The following SRGAP3 variants were observed in gnomAD, a reference collection of about 807,000 sequenced individuals.
SRGAP3 encodes SLIT-ROBO Rho GTPase-activating protein 3.
Under a neutral mutation model 121.1 loss-of-function variants are expected in SRGAP3, and 39 were observed. That is an observed-to-expected ratio of 0.32 (90% CI 0.25 to 0.42). The LOEUF is 0.42. Among genes scored for constraint, SRGAP3 ranks in the 10% least tolerant of loss-of-function variants. The pLI is 1.00. For synonymous variants in SRGAP3, 601 were observed against 570.0 expected, an observed-to-expected ratio of 1.05 and a Z score of -0.77; for missense variants, 1,213 against 1,470.6, an observed-to-expected ratio of 0.82 and a Z score of 2.86.
chr3:9,086,087 G>A (rs945765107), intron 3 of SRGAP3, among the ~76,000 whole-genome samples: 2 of 152,214 alleles, frequency 1.3e-5, no homozygotes, highest in African/African-American at 4.8e-5. Context: ...CTGATCCAGA[G>A]AACACTCCTT....
At chr3:9,026,555 T>A (rs1308682609) in intron 13 of SRGAP3, among the ~76,000 whole-genome samples, 1 of 152,212 alleles carries the variant, frequency 6.6e-6, no homozygotes, top group Admixed American at 6.5e-5. Flanking sequence ...CATTCAAAAG[T>A]AATAGCAAAA....
chr3:9,071,129 C>A (rs1946688459), intron 4 of SRGAP3, among the ~76,000 whole-genome samples: 1 of 152,068 alleles, frequency 6.6e-6, no homozygotes, highest in Non-Finnish European at 1.5e-5. Context: ...GGTGGAAGAA[C>A]ATCAGGTATG....
At chr3:9,049,045 G>A (rs1266897468) in intron 9 of SRGAP3, among the ~76,000 whole-genome samples, 2 of 152,140 alleles carry the variant, frequency 1.3e-5, no homozygotes, top group East Asian at 3.9e-4. Context: ...CCACCTGCTA[G>A]TTTCTCAAAG....
intron 1 of SRGAP3, among the ~76,000 whole-genome samples, chr3:9,219,758 G>A (rs948467468): frequency 1.3e-5 from 2 of 152,152 alleles, no homozygotes; most frequent in African/African-American, 4.8e-5. Context: ...GGTTGAGGCA[G>A]GAGAATGGTG....
intron 18 of SRGAP3, among the ~76,000 whole-genome samples, chr3:9,004,285 TG>T (rs1942938781): frequency 1.3e-5 from 2 of 152,142 alleles, no homozygotes; most frequent in South Asian, 4.1e-4. Flanking sequence ...TCTAAATAAT[TG>T]GCAAAACATC....
upstream of SRGAP3, among the ~76,000 whole-genome samples, chr3:9,254,652 C>T (rs1483658633): frequency 6.6e-6 from 1 of 152,004 alleles, no homozygotes; most frequent in African/African-American, 2.4e-5. Flanking sequence ...AAAAATTAGC[C>T]AAGCGTGGTG....
intron 1 of SRGAP3, among the ~76,000 whole-genome samples, chr3:9,247,813 C>T (rs1437290257): frequency 2.0e-5 from 3 of 152,206 alleles, no homozygotes; most frequent in Non-Finnish European, 2.9e-5. Flanking sequence ...AGAAAGAAAG[C>T]GGACGCCAAG....
At chr3:9,253,910 G>A (rs1954069754), upstream of SRGAP3, among the ~76,000 whole-genome samples, 2 of 152,160 alleles carry the variant, frequency 1.3e-5, no homozygotes, top group South Asian at 4.1e-4. Flanking sequence ...ATAAGCAGAG[G>A]TTTTGATGGT....
intron 3 of SRGAP3, among the ~76,000 whole-genome samples, chr3:9,313,712 T>A (rs1485260327): frequency 6.6e-6 from 1 of 151,386 alleles, no homozygotes; most frequent in Admixed American, 6.6e-5. Context: ...TAGCTCATAA[T>A]TGGCCAGTAT....
intron 3 of SRGAP3, among the ~76,000 whole-genome samples, chr3:9,316,324 C>T (rs1319643452): frequency 6.7e-6 from 1 of 148,894 alleles, no homozygotes; most frequent in Non-Finnish European, 1.5e-5. Context: ...GCTGGGATTA[C>T]AGGTGTGAGC....
intron 1 of SRGAP3, among the ~76,000 whole-genome samples, chr3:9,342,694 C>A (rs1306892866): frequency 6.6e-6 from 1 of 152,100 alleles, no homozygotes; most frequent in Non-Finnish European, 1.5e-5. Context: ...AATAAAGTGG[C>A]CTTCAGTGCC....
chr3:9,333,581 G>A (rs1232788907), intron 1 of SRGAP3, among the ~76,000 whole-genome samples: 2 of 151,938 alleles, frequency 1.3e-5, no homozygotes, highest in Admixed American at 6.6e-5. Flanking sequence ...CTCCGGTGGT[G>A]GCACAAAGAA....
chr3:9,206,373 G>A (rs928146998), intron 1 of SRGAP3, among the ~76,000 whole-genome samples: 2 of 152,176 alleles, frequency 1.3e-5, no homozygotes, highest in African/African-American at 4.8e-5. Context: ...GGAAGCTCAG[G>A]GAGTCTGATT....
chr3:9,035,443 C>T (rs1427156128), intron 11 of SRGAP3: 1 of 175,998 alleles, frequency 5.7e-6, no homozygotes, highest in South Asian at 2.0e-4. Context: ...TGTCTGGAAT[C>T]TCTGACAAGG....
intron 1 of SRGAP3, among the ~76,000 whole-genome samples, chr3:9,222,534 A>G (rs545338108): frequency 3.3e-5 from 5 of 152,346 alleles, no homozygotes; most frequent in South Asian, 2.1e-4. Flanking sequence ...GCAAGGGAAC[A>G]TGTTAGGTGT....
chr3:9,348,361 A>G (rs867335438), intron 1 of SRGAP3: 2 of 470,506 alleles, frequency 4.3e-6, no homozygotes, highest in Middle Eastern at 6.1e-4. Context: ...AGAAAGACTA[A>G]AAGTAATCAA....
intron 8 of SRGAP3, among the ~76,000 whole-genome samples, chr3:9,055,276 T>C (rs1945766985): frequency 6.6e-6 from 1 of 152,226 alleles, no homozygotes; most frequent in Non-Finnish European, 1.5e-5. Context: ...CTGCCCAGGA[T>C]AGAACTCTTG....
At chr3:8,996,822 G>C (rs1267730332) in intron 18 of SRGAP3, among the ~76,000 whole-genome samples, 3 of 152,206 alleles carry the variant, frequency 2.0e-5, no homozygotes, top group African/African-American at 7.2e-5. Flanking sequence ...GGTTCGCCCA[G>C]GGACTTCCTC....
At chr3:9,103,099 C>T (rs1488569893) in intron 3 of SRGAP3, among the ~76,000 whole-genome samples, 1 of 152,156 alleles carries the variant, frequency 6.6e-6, no homozygotes, top group East Asian at 1.9e-4. Context: ...ATAAACACAA[C>T]CCCAGAAGGA....
Sources: allele counts gnomAD v4.1 joint callset (sites outside exome capture counted in the v4.1 genomes callset), GRCh38; gene constraint gnomAD v4.1.1; transcripts MANE v1.5; gene names NCBI Gene and HGNC (gene_info 2026-07-23, HGNC 2026-07-21).